Variants in ABCA13 observed in about 807,000 individuals in gnomAD.
ABCA13 encodes ATP binding cassette subfamily A member 13.
In ABCA13, 476 loss-of-function variants were observed where a neutral mutation model predicts 478.7. The ratio of observed to expected loss-of-function variants is 0.99; its 90% CI spans 0.92 to 1.07. The LOEUF (loss-of-function observed/expected upper bound fraction) is 1.07. Ranked by LOEUF, ABCA13 falls within the 50% of genes least tolerant of loss-of-function variation. The pLI is 0.00. For missense variants in ABCA13, 6,060 were observed against 5,910.6 expected, an observed-to-expected ratio of 1.03 and a Z score of -0.83; for synonymous variants, 2,252 against 2,158.9, an observed-to-expected ratio of 1.04 and a Z score of -1.20.
intron 15 of ABCA13, among the ~76,000 whole-genome samples, chr7:48,268,661 A>T (rs1399036587): frequency 6.6e-6 from 1 of 151,810 alleles, no homozygotes; most frequent in Non-Finnish European, 1.5e-5. Context: ...CGTCCACTGG[A>T]CTCTGGTGCA....
rs746480907 is a variant in ABCA13 at position 48,279,377 on chromosome 7, G to T, written c.8183G>T (p.Ser2728Ile). The T allele has an allele frequency of 4.4e-6, 7 of 1,594,640 alleles. No individual in the cohort carries two copies. The Admixed American group carries it at 1.2e-4, about 28-fold the overall frequency. The change falls in exon 18 of 62, where the codon AGC (serine) becomes ATC (isoleucine). Residue 2728 changes from serine (S) to isoleucine (I), a missense_variant. Coordinates refer to ENST00000435803, the MANE Select transcript of ABCA13 (RefSeq NM_152701.5). ...TTGGATAAAATATTATCACAAAACA[G>T]CACAGAAATAGGATCTTTCTTGAAA... is the stretch of plus-strand genomic sequence containing the variant. ...PFLDKILSQN[S>I]TEIGSFLKMV... is the part of the protein sequence containing the mutation.
chr7:48,346,420 T>A (rs977380403), intron 29 of ABCA13, among the ~76,000 whole-genome samples: 1 of 151,850 alleles, frequency 6.6e-6, no homozygotes, highest in Admixed American at 6.6e-5. Context: ...CTATTCCAAA[T>A]AACAAATGGT....
chr7:48,473,217 G>C (rs1241214919), intron 45 of ABCA13, among the ~76,000 whole-genome samples: 2 of 152,200 alleles, frequency 1.3e-5, no homozygotes, highest in Non-Finnish European at 2.9e-5. Flanking sequence ...TGGAGACATA[G>C]AGTCAAACAA....
chr7:48,637,448 T>G (rs1343572834), intron 59 of ABCA13, among the ~76,000 whole-genome samples: 1 of 135,380 alleles, frequency 7.4e-6, no homozygotes, highest in Non-Finnish European at 1.6e-5. Flanking sequence ...AATGACTACT[T>G]TAGCTCTCTT....
intron 41 of ABCA13, among the ~76,000 whole-genome samples, chr7:48,420,963 C>T (rs941022758): frequency 6.6e-6 from 1 of 152,102 alleles, no homozygotes; most frequent in Non-Finnish European, 1.5e-5. Context: ...AGAGTCCAGA[C>T]CACGTATTTT....
At chr7:48,559,827 C>A (rs1244057129) in intron 55 of ABCA13, among the ~76,000 whole-genome samples, 6 of 152,292 alleles carry the variant, frequency 3.9e-5, no homozygotes, top group Non-Finnish European at 7.4e-5. Flanking sequence ...GAAATGTCAT[C>A]CCGGAGCAAA....
chr7:48,572,838 T>G (rs1487561038), intron 55 of ABCA13, among the ~76,000 whole-genome samples: 1 of 152,164 alleles, frequency 6.6e-6, no homozygotes, highest in African/African-American at 2.4e-5. Flanking sequence ...TTTCAAAGAA[T>G]GCCCTAATGA....
chr7:48,181,127 C>T (rs768011918), intron 1 of ABCA13, among the ~76,000 whole-genome samples: 4 of 152,178 alleles, frequency 2.6e-5, no homozygotes, highest in Non-Finnish European at 4.4e-5. Flanking sequence ...CATCCAGTGT[C>T]GTATTGTCCT....
intron 28 of ABCA13, among the ~76,000 whole-genome samples, chr7:48,336,335 G>C (rs1337850403): frequency 1.3e-5 from 2 of 152,200 alleles, no homozygotes; most frequent in Non-Finnish European, 2.9e-5. Flanking sequence ...CCAAGAAGCA[G>C]ATGCCAAGAC....
At chr7:48,498,649 TA>T (rs1830478652) in intron 48 of ABCA13, among the ~76,000 whole-genome samples, 3 of 152,162 alleles carry the variant, frequency 2.0e-5, no homozygotes, top group Admixed American at 6.6e-5. Context: ...GAAAAGGCTA[TA>T]CTCCCCACAT....
intron 29 of ABCA13, among the ~76,000 whole-genome samples, chr7:48,346,825 A>G (rs894203294): frequency 6.6e-6 from 1 of 152,226 alleles, no homozygotes; most frequent in Non-Finnish European, 1.5e-5. Context: ...TGCAATTGCC[A>G]TGGGAGCAAA....
rs1795486720 is a variant in ABCA13, at chr7:48,647,300, G to A, written c.*1788G>A. ...TGTTGTGAGCAATTTTGATTCCCATGTATCACATGAATTACACTTCCTTAA... is the reference window on the plus strand; with the variant it reads ...TGTTGTGAGCAATTTTGATTCCCATATATCACATGAATTACACTTCCTTAA... On this transcript the variant is annotated 3_prime_UTR_variant, in exon 62 of 62. Transcript: ENST00000435803. 6.6e-6 allele frequency: 1 copy of A among 152,148 alleles called. No homozygotes were observed. The highest frequency in any genetic ancestry group is 2.4e-5 in the African/African-American group (1 of 41,428). 9.4% of individuals were successfully genotyped at this position (152,148 alleles called of 1,614,324 possible). A position where few individuals can be genotyped will look rare whatever the true frequency, so the allele number is the denominator to read the frequency against.
intron 23 of ABCA13, among the ~76,000 whole-genome samples, chr7:48,303,800 T>C (rs1800508484): frequency 6.6e-6 from 1 of 152,198 alleles, no homozygotes; most frequent in Non-Finnish European, 1.5e-5. Flanking sequence ...AAGTATCATT[T>C]TTTTCTCTCA....
At chr7:48,416,398 G>A (rs535461957) in intron 41 of ABCA13, among the ~76,000 whole-genome samples, 60 of 152,164 alleles carry the variant, frequency 3.9e-4, no homozygotes, top group African/African-American at 1.4e-3. Context: ...GCTGGGCCTC[G>A]ACAGAGCCTG....
chr7:48,551,660 A>G (rs73694671), intron 55 of ABCA13, among the ~76,000 whole-genome samples: 10,309 of 150,052 alleles, frequency 0.069, 572 homozygotes, highest in African/African-American at 0.12. Context: ...ATTTGTTTCT[A>G]CTGACCACCA....
chr7:48,506,618 C>A (rs1831234349), intron 49 of ABCA13, among the ~76,000 whole-genome samples: 1 of 152,166 alleles, frequency 6.6e-6, no homozygotes, highest in Non-Finnish European at 1.5e-5. Context: ...GTTTGTCATG[C>A]AACTGTACTT....
intron 55 of ABCA13, among the ~76,000 whole-genome samples, chr7:48,530,314 A>ATG (rs1171727076): frequency 6.6e-6 from 1 of 151,750 alleles, no homozygotes; most frequent in Non-Finnish European, 1.5e-5. Flanking sequence ...GTGTATATAT[A>ATG]TGTATATATA....
Position 48,285,428 on chromosome 7 carries a change from T to A in ABCA13, c.8837-2532T>A, listed in dbSNP as rs560393387. 2.6e-3 allele frequency among the ~76,000 whole-genome samples: 390 copies of A among 152,264 alleles called. 4 individuals carry two copies. The highest frequency in any genetic ancestry group is 9.0e-3 in the African/African-American group (375 of 41,558). On this transcript the variant is annotated intron_variant, in intron 19 of 61. Transcript: ENST00000435803. ...GGAGTCAAGGCTCAAAACCAGCTCT[T>A]GTTAGTGTCGAGACAGTTGTCAAGT...
intron 59 of ABCA13, among the ~76,000 whole-genome samples, chr7:48,618,682 T>G (rs1731923613): frequency 1.3e-5 from 2 of 152,040 alleles, no homozygotes; most frequent in Admixed American, 1.3e-4. Flanking sequence ...ATCTGCTACT[T>G]TGAATAACTT....
Sources: gnomAD v4.1 joint callset for allele counts (sites outside exome capture counted in the v4.1 genomes callset) on GRCh38, gnomAD v4.1.1 for gene constraint, MANE v1.5 for transcripts, NCBI Gene and HGNC (gene_info 2026-07-23, HGNC 2026-07-21) for gene names.